Variants in TNFSF4 observed in about 807,000 individuals in gnomAD.
The protein encoded by TNFSF4 is TNF superfamily member 4.
TNFSF4 carries 4 observed loss-of-function variants against 7.3 expected under a neutral mutation model. That is an observed-to-expected ratio of 0.55 (90% CI 0.27 to 1.25). The LOEUF (loss-of-function observed/expected upper bound fraction) is 1.25, where lower values mean the gene tolerates loss of function less well. Ranked by LOEUF, TNFSF4 falls within the 50% of genes most tolerant of loss-of-function variation. TNFSF4 has a pLI of 0.12. For synonymous variants in TNFSF4, 76 were observed against 83.7 expected, an observed-to-expected ratio of 0.91 and a Z score of 0.50; for missense variants, 181 against 208.8, an observed-to-expected ratio of 0.87 and a Z score of 0.82.
At chr1:173,178,502 A>T in the TNFSF4 span, among the ~76,000 whole-genome samples, 2 of 152,160 alleles carry the variant, frequency 1.3e-5, no homozygotes, top group African/African-American at 4.8e-5. Flanking sequence ...GGAACCCGGG[A>T]AGCAGAGCTT....
the TNFSF4 span, among the ~76,000 whole-genome samples, chr1:173,232,004 G>A: frequency 1.6e-4 from 24 of 152,190 alleles, no homozygotes; most frequent in Non-Finnish European, 2.9e-4. Flanking sequence ...ATTCTGTGAA[G>A]AAAGTCATTG....
chr1:173,232,740 T>A, the TNFSF4 span, among the ~76,000 whole-genome samples: 5 of 152,194 alleles, frequency 3.3e-5, no homozygotes, highest in Non-Finnish European at 7.3e-5. Flanking sequence ...GTGGTTTTTG[T>A]CTTTGGTTCT....
At chr1:173,197,287 A>G (rs1198043409) in intron 1 of TNFSF4, among the ~76,000 whole-genome samples, 1 of 152,236 alleles carries the variant, frequency 6.6e-6, no homozygotes, top group Non-Finnish European at 1.5e-5. Flanking sequence ...CAATTCCCCA[A>G]AGATCTAAAA....
downstream of TNFSF4, among the ~76,000 whole-genome samples, chr1:173,183,405 T>C (rs1179876428): frequency 3.3e-5 from 5 of 152,110 alleles, no homozygotes; most frequent in African/African-American, 1.2e-4. Context: ...GCAGATGTAA[T>C]TACCACTTAG....
chr1:173,413,453 G>A, the TNFSF4 span, among the ~76,000 whole-genome samples: 1 of 152,204 alleles, frequency 6.6e-6, no homozygotes, highest in African/African-American at 2.4e-5. Context: ...AGGCAGAGTT[G>A]CCTCCCACTC....
chr1:173,290,536 A>T, the TNFSF4 span, among the ~76,000 whole-genome samples: 1 of 152,200 alleles, frequency 6.6e-6, no homozygotes, highest in East Asian at 1.9e-4. Flanking sequence ...CAACAAGAAG[A>T]CTTAACCATT....
the TNFSF4 span, among the ~76,000 whole-genome samples, chr1:173,265,578 T>C: frequency 6.6e-6 from 1 of 152,162 alleles, no homozygotes; most frequent in African/African-American, 2.4e-5. Flanking sequence ...TAGAGAAAAG[T>C]TACTTTTTTG....
At chr1:173,351,046 T>G in the TNFSF4 span, among the ~76,000 whole-genome samples, 4 of 152,166 alleles carry the variant, frequency 2.6e-5, no homozygotes, top group Non-Finnish European at 5.9e-5. Context: ...TTTCTATGGC[T>G]AAAAAATACT....
chr1:173,364,417 A>C, the TNFSF4 span, among the ~76,000 whole-genome samples: 1 of 150,086 alleles, frequency 6.7e-6, no homozygotes, highest in Admixed American at 6.7e-5. Context: ...ACACACATAT[A>C]TATACATATT....
chr1:173,200,307 C>G (rs1649889047), intron 1 of TNFSF4, among the ~76,000 whole-genome samples: 2 of 152,176 alleles, frequency 1.3e-5, no homozygotes, highest in African/African-American at 4.8e-5. Flanking sequence ...CAGTGTAAAA[C>G]TGCACACCAT....
chr1:173,314,058 T>G, the TNFSF4 span, among the ~76,000 whole-genome samples: 1 of 152,088 alleles, frequency 6.6e-6, no homozygotes, highest in Non-Finnish European at 1.5e-5. Flanking sequence ...TAGTCATACA[T>G]TCTACATATC....
At chr1:173,248,055 C>G in the TNFSF4 span, among the ~76,000 whole-genome samples, 1 of 152,016 alleles carries the variant, frequency 6.6e-6, no homozygotes, top group Non-Finnish European at 1.5e-5. Context: ...ATAGATAGAA[C>G]AGCATATGAA....
chr1:173,288,286 C>T, the TNFSF4 span, among the ~76,000 whole-genome samples: 2 of 152,004 alleles, frequency 1.3e-5, no homozygotes, highest in African/African-American at 4.8e-5. Context: ...AACTGCATCC[C>T]TATGCTGGGT....
At chr1:173,309,376 A>G in the TNFSF4 span, among the ~76,000 whole-genome samples, 1 of 151,948 alleles carries the variant, frequency 6.6e-6, no homozygotes, top group African/African-American at 2.4e-5. Context: ...TAAAAAAGTA[A>G]GAAATATCCT....
chr1:173,196,657 G>A (rs757674515), intron 1 of TNFSF4, among the ~76,000 whole-genome samples: 17 of 152,128 alleles, frequency 1.1e-4, no homozygotes, highest in Admixed American at 6.5e-4. Flanking sequence ...CAAGAGAAAT[G>A]TCCTATATTT....
the TNFSF4 span, among the ~76,000 whole-genome samples, chr1:173,426,571 A>G: frequency 1.1e-4 from 17 of 152,232 alleles, no homozygotes; most frequent in African/African-American, 3.9e-4. Flanking sequence ...AGTGGGCCCA[A>G]TGTAATCCCA....
At chr1:173,385,635 C>T in the TNFSF4 span, among the ~76,000 whole-genome samples, 6 of 152,152 alleles carry the variant, frequency 3.9e-5, no homozygotes, top group Non-Finnish European at 5.9e-5. Context: ...CACAGGAGTT[C>T]GAGACCAGCC....
At chr1:173,286,697 T>C in the TNFSF4 span, among the ~76,000 whole-genome samples, 1 of 152,102 alleles carries the variant, frequency 6.6e-6, no homozygotes, top group Non-Finnish European at 1.5e-5. Context: ...AAACATTTCT[T>C]AAACAGGACA....
At chr1:173,429,209 T>A in the TNFSF4 span, among the ~76,000 whole-genome samples, 1 of 150,940 alleles carries the variant, frequency 6.6e-6, no homozygotes, top group Non-Finnish European at 1.5e-5. Context: ...AACATTTCTT[T>A]AAAAAAAAAG....
Sources: allele counts gnomAD v4.1 joint callset (sites outside exome capture counted in the v4.1 genomes callset), GRCh38; gene constraint gnomAD v4.1.1; transcripts MANE v1.5; gene names NCBI Gene and HGNC (gene_info 2026-07-23, HGNC 2026-07-21).